KLHDC10: variants seen among roughly 807,000 people sequenced by gnomAD.
KLHDC10 encodes kelch domain containing 10.
Under a neutral mutation model 56.1 loss-of-function variants are expected in KLHDC10, and 24 were observed. The observed-to-expected ratio is 0.43, with a 90% CI of 0.31 to 0.60. The LOEUF (loss-of-function observed/expected upper bound fraction) is 0.60. Ranked by LOEUF, KLHDC10 falls within the 20% of genes least tolerant of loss-of-function variation. The probability of loss-of-function intolerance (pLI) is 0.11; values close to 1 mark genes in which losing one functional copy is unlikely to be tolerated. For missense variants in KLHDC10, 349 were observed against 567.0 expected (o/e 0.62, Z 3.91); for synonymous variants, 188 against 207.1 (o/e 0.91, Z 0.79).
At chr7:130,122,024 C>T (rs202068624) in intron 4 of KLHDC10, 30 bp from the exon 5 acceptor site, 54 of 1,591,698 alleles carry the variant, frequency 3.4e-5, no homozygotes, top group African/African-American at 1.4e-4. Context: ...GTTAACAAGT[C>T]GGTCTTATTC....
In KLHDC10 at chr7:130,127,395, G is replaced by C. The variant is rs763390462; in HGVS notation, c.932-9G>C. The C allele has an allele frequency of 1.2e-6, 2 of 1,612,426 alleles. No homozygotes were observed. Among genetic ancestry groups the C allele is most frequent in the South Asian group, 1.1e-5 (1 of 91,016 alleles). The stretch of plus-strand genomic sequence containing the variant: ...AGTAATGGAACTTCTGTGTTTGTGT[G>C]TTTGGCAGGCTTTCCTGCAGCCCGA... On this transcript the variant is annotated splice_polypyrimidine_tract_variant and intron_variant, in intron 7 of 9. Transcript: ENST00000335420.
intron 2 of KLHDC10, among the ~76,000 whole-genome samples, chr7:130,103,708 G>A (rs955321040): frequency 2.0e-5 from 3 of 152,136 alleles, no homozygotes; most frequent in Admixed American, 1.3e-4. Flanking sequence ...CCTCACTAAT[G>A]TTTAAGTGGG....
rs1796456816 is a variant in KLHDC10, at chr7:130,135,160, G to A, written c.*4414G>A. On this transcript the variant is annotated 3_prime_UTR_variant, in exon 10 of 10. Transcript: ENST00000335420. ...GGGCCCTGCTTAGTCAGTGTACAGG[G>A]TGGAGTCAGAGGCAGTTTTCAGAAA... 1 of 145,862 alleles carries A rather than the reference G, an allele frequency of 6.9e-6. No individual in the cohort carries two copies. Among genetic ancestry groups the A allele is most frequent in the Non-Finnish European group, 1.5e-5 (1 of 66,542 alleles). The allele number at this position is 145,862 out of a possible 1,614,324, so 9.0% of individuals were successfully genotyped here. A position where few individuals can be genotyped will look rare whatever the true frequency, so the allele number is the denominator to read the frequency against.
chr7:130,076,013 G>A (rs928384577), intron 1 of KLHDC10, among the ~76,000 whole-genome samples: 7 of 151,466 alleles, frequency 4.6e-5, no homozygotes, highest in African/African-American at 9.7e-5. Flanking sequence ...GACCAGTTTC[G>A]TGGAAGACAA....
chr7:130,083,190 T>C (rs931929372), intron 1 of KLHDC10, among the ~76,000 whole-genome samples: 4 of 152,210 alleles, frequency 2.6e-5, no homozygotes, highest in Admixed American at 6.5e-5. Flanking sequence ...CTTCATCCTG[T>C]GCTCCTTATC....
chr7:130,119,703 G>C (rs770134729), intron 3 of KLHDC10, among the ~76,000 whole-genome samples: 1 of 151,932 alleles, frequency 6.6e-6, no homozygotes, highest in African/African-American at 2.4e-5. Context: ...AATTAGCTGG[G>C]CATGGTGGTG....
intron 2 of KLHDC10, among the ~76,000 whole-genome samples, chr7:130,111,956 C>A (rs1796107064): frequency 6.6e-6 from 1 of 152,200 alleles, no homozygotes; most frequent in Non-Finnish European, 1.5e-5. Flanking sequence ...ACTGGCATAA[C>A]ATTGCTGGGA....
intron 2 of KLHDC10, among the ~76,000 whole-genome samples, chr7:130,108,554 T>TA (rs1161218141): frequency 0.02 from 1,025 of 52,080 alleles, 37 homozygotes; most frequent in East Asian, 0.062. Context: ...CTACCAAATA[T>TA]CCAAAAAAAA....
chr7:130,078,544 A>C (rs962519808), intron 1 of KLHDC10, among the ~76,000 whole-genome samples: 1 of 151,468 alleles, frequency 6.6e-6, no homozygotes, highest in Admixed American at 6.6e-5. Flanking sequence ...TTTGAGACAG[A>C]GTCTCGCTCT....
chr7:130,085,616 C>T (rs935855915), intron 1 of KLHDC10, among the ~76,000 whole-genome samples: 1 of 151,644 alleles, frequency 6.6e-6, no homozygotes, highest in Non-Finnish European at 1.5e-5. Context: ...GGGTGGATCA[C>T]CTGAGGTCAG....
At chr7:130,127,631 G>C (rs1382925722) in intron 8 of KLHDC10, among the ~76,000 whole-genome samples, 180 bp downstream of exon 8, 1 of 152,202 alleles carries the variant, frequency 6.6e-6, no homozygotes, top group African/African-American at 2.4e-5. Flanking sequence ...ATGTAAACTA[G>C]TATGGTGTTT....
rs538218868 is a variant in KLHDC10 at position 130,085,334 on chromosome 7, G to GA, written c.167-11571dup. Among the ~76,000 whole-genome samples, 696 of 75,504 alleles carry GA rather than the reference G, an allele frequency of 9.2e-3. 2 individuals are homozygous for GA. The highest frequency in any genetic ancestry group is 0.05 in the East Asian group (130 of 2,600). 49.5% of individuals were successfully genotyped at this position (75,504 alleles called of 152,430 possible). On this transcript the variant is annotated intron_variant, in intron 1 of 9. Coordinates refer to ENST00000335420, the MANE Select transcript of KLHDC10 (RefSeq NM_014997.4). ...GAGGACAGAGCAAGACTCCATCTCA[G>GA]AAAAAAAAAAAAAAAAGAATATTTT...
At position 130,089,812 on chromosome 7, in the gene KLHDC10, G is replaced by A. The variant is rs143696591; in HGVS notation, c.167-7109G>A. ...TATAGATCCTGAATTGTATATAGGA[G>A]TAGGACTGTACCACATGTTGTAGCC... On this transcript the variant is annotated intron_variant, in intron 1 of 9. Coordinates refer to ENST00000335420, the MANE Select transcript of KLHDC10 (RefSeq NM_014997.4). Among the ~76,000 whole-genome samples the A allele has an allele frequency of 5.5e-3, 843 of 152,164 alleles. 32 individuals carry two copies. The highest frequency in any genetic ancestry group is 0.053 in the Admixed American group (811 of 15,290).
In KLHDC10 at chr7:130,116,154, A is replaced by T. The variant is rs1796164870; in HGVS notation, c.254-291A>T. On this transcript the variant is annotated intron_variant, in intron 2 of 9. Transcript: ENST00000335420. This position sits in a 1 kb window ranked among gnomAD's most constrained non-coding sequence, Gnocchi z 4.8. ...CCTCCTTCTTTTCTTGAAAATTTCA[A>T]GTTGTCAGCCATTTTCTTGAATTTG... is the stretch of plus-strand genomic sequence containing the variant. Among the ~76,000 whole-genome samples, 1 of 152,108 alleles carries T rather than the reference A, an allele frequency of 6.6e-6. No homozygotes were observed. Among genetic ancestry groups the T allele is most frequent in the African/African-American group, 2.4e-5 (1 of 41,422 alleles).
intron 2 of KLHDC10, among the ~76,000 whole-genome samples, chr7:130,113,580 G>A (rs763227176): frequency 1.3e-5 from 2 of 152,070 alleles, no homozygotes; most frequent in Non-Finnish European, 2.9e-5. Context: ...TCATCCACCC[G>A]CCTTGGCTTC....
At position 130,128,902 on chromosome 7, in the gene KLHDC10, A is replaced by G. The variant is rs1429242713; in HGVS notation, c.980-535A>G. Among the ~76,000 whole-genome samples, 4 of 123,806 alleles carry G rather than the reference A, an allele frequency of 3.2e-5. 1 individual carries two copies. The highest frequency in any genetic ancestry group is 5.2e-5 in the Non-Finnish European group (3 of 58,232). The allele number at this position is 123,806 out of a possible 152,430, so 81.2% of individuals were successfully genotyped here. ...AAAAAAAAAAAAAATATATATATAT[A>G]TATATATATATATATATACATACTA... On this transcript the variant is annotated intron_variant, in intron 8 of 9. Coordinates refer to ENST00000335420, the MANE Select transcript of KLHDC10 (RefSeq NM_014997.4).
intron 7 of KLHDC10, among the ~76,000 whole-genome samples, chr7:130,126,754 C>A (rs553979949): frequency 1.2e-4 from 19 of 152,268 alleles, no homozygotes; most frequent in African/African-American, 4.6e-4. Context: ...AGCAAAGAGA[C>A]TTTTAATCCT....
At chr7:130,083,583 C>T (rs1795639045) in intron 1 of KLHDC10, among the ~76,000 whole-genome samples, 1 of 152,156 alleles carries the variant, frequency 6.6e-6, no homozygotes, top group African/African-American at 2.4e-5. Context: ...TAGACCCACC[C>T]ATGTATACTT....
In KLHDC10 at chr7:130,125,849, CT is replaced by C. The variant is rs754272893; in HGVS notation, c.865-8del. 9.2e-5 allele frequency: 144 copies of C among 1,572,910 alleles called. No homozygotes were observed. The highest frequency in any genetic ancestry group is 7.2e-4 in the Admixed American group (37 of 51,544). On this transcript the variant is annotated splice_polypyrimidine_tract_variant and intron_variant, in intron 6 of 9. Transcript: ENST00000335420. ...AATTATTTATGTATGTGTATATGTT[CT>C]TTTTTTTCTCCAAGATCCATGCATA...
Sources: allele counts gnomAD v4.1 joint callset (sites outside exome capture counted in the v4.1 genomes callset), GRCh38; gene constraint gnomAD v4.1.1; non-coding constraint Gnocchi (gnomAD v3.1); transcripts MANE v1.5; gene names NCBI Gene and HGNC (gene_info 2026-07-23, HGNC 2026-07-21).